Variants in WASHC2C observed in about 807,000 individuals in gnomAD.
WASHC2C encodes the protein Vaccinia Penetration Factor.
A neutral mutation model predicts 142.2 loss-of-function variants in WASHC2C; 73 were observed. The observed-to-expected ratio is 0.51, with a 90% CI of 0.43 to 0.62. The LOEUF is 0.62. Among genes scored for constraint, WASHC2C ranks in the 20% least tolerant of loss-of-function variants. The probability of loss-of-function intolerance (pLI) is 0.00; values close to 1 mark genes in which losing one functional copy is unlikely to be tolerated. For synonymous variants in WASHC2C, 337 were observed against 565.5 expected (o/e 0.60, Z 5.73); for missense variants, 969 against 1,531.7 (o/e 0.63, Z 6.13).
In WASHC2C at chr10:45,735,906, GATTT is replaced by G. The variant is rs1471235041; in HGVS notation, c.292-2069_292-2066del. ...CATAGAATCTGGGAATGACTATTAA[GATTT>G]ATTTATTCCCTCTCTAGGTAAAATC... On this transcript the variant is annotated intron_variant, in intron 3 of 30. Transcript: ENST00000623400. 2.6e-5 allele frequency among the ~76,000 whole-genome samples: 4 copies of G among 152,182 alleles called. No individual in the cohort carries two copies. The East Asian group carries it at 7.7e-4, about 29-fold the overall frequency.
intron 23 of WASHC2C, among the ~76,000 whole-genome samples, chr10:45,783,708 G>A (rs1455801536): frequency 2.6e-5 from 4 of 152,200 alleles, no homozygotes; most frequent in East Asian, 3.9e-4. Context: ...TAATCCACCC[G>A]CCTTGGCCTC....
intron 9 of WASHC2C, 148 bp downstream of exon 9, chr10:45,750,354 A>T: frequency 1.2e-6 from 1 of 852,498 alleles, no homozygotes; most frequent in Non-Finnish European, 1.8e-6. Context: ...AAGCATCTCA[A>T]ATTGCCTCAC....
Position 45,755,000 on chromosome 10 carries a change from G to A in WASHC2C, c.1305G>A (p.Gln435=). 4 of 1,612,000 alleles carry A rather than the reference G, an allele frequency of 2.5e-6. No individual in the cohort carries two copies. The highest frequency in any genetic ancestry group is 3.4e-6 in the Non-Finnish European group (4 of 1,179,866). Residue 435 remains glutamine (Q), a synonymous_variant, in exon 15 of 31, where the codon CAG becomes CAA. Transcript: ENST00000623400. ...PSLKEPQKPE[Q]PTPRKSPYGP... The stretch of plus-strand genomic sequence containing the variant: ...TGAAGGAGCCACAGAAGCCTGAGCA[G>A]CCCACTCCAAGGAAAAGCCCCTATG...
intron 3 of WASHC2C, among the ~76,000 whole-genome samples, chr10:45,734,438 C>CT (rs1228199989): frequency 6.6e-6 from 1 of 151,354 alleles, no homozygotes; most frequent in Non-Finnish European, 1.5e-5. Context: ...TTTAACCCAT[C>CT]TTTGAGACTT....
At chr10:45,753,788 C>G (rs563024041) in intron 13 of WASHC2C, among the ~76,000 whole-genome samples, 201 of 149,008 alleles carry the variant, frequency 1.3e-3, no homozygotes, top group African/African-American at 4.5e-3. Flanking sequence ...GCACCTGTCC[C>G]CTTGGTGCAG....
At chr10:45,780,717 C>T (rs1285674040) in intron 23 of WASHC2C, among the ~76,000 whole-genome samples, 3 of 149,486 alleles carry the variant, frequency 2.0e-5, no homozygotes, top group African/African-American at 4.9e-5. Flanking sequence ...TAGTAATGAA[C>T]ATTTACTAAC....
intron 3 of WASHC2C, among the ~76,000 whole-genome samples, chr10:45,735,189 C>CT (rs1393032978): frequency 1.3e-5 from 2 of 151,490 alleles, no homozygotes; most frequent in Non-Finnish European, 2.9e-5. Flanking sequence ...CAATCTTTGG[C>CT]TTTTTACTTT....
Position 45,754,946 on chromosome 10 carries a change from T to C in WASHC2C, c.1251T>C (p.Asp417=), listed in dbSNP as rs1200423003. The C allele has an allele frequency of 1.2e-6, 2 of 1,611,860 alleles. No homozygotes were observed. The highest frequency in any genetic ancestry group is 1.7e-6 in the Non-Finnish European group (2 of 1,179,858). Residue 417 remains aspartate, a synonymous_variant, in exon 15 of 31, where the codon GAT becomes GAC. Transcript: ENST00000623400. ...GAVSVFLGDT[D]VFGAASVPSL... is the part of the protein sequence containing the mutation. ...TCCCTTCACTCACAGGAGACACGGA[T>C]GTGTTTGGTGCTGCCTCCGTTCCAT...
intron 26 of WASHC2C, 146 bp downstream of exon 26, chr10:45,785,777 C>T: frequency 7.0e-7 from 1 of 1,423,744 alleles, no homozygotes; most frequent in Non-Finnish European, 9.7e-7. Context: ...CACTGCACTT[C>T]CCCCGAGTCA....
Position 45,784,275 on chromosome 10 carries a change from T to C in WASHC2C, c.2479-290T>C, listed in dbSNP as rs1230524121. On this transcript the variant is annotated intron_variant, in intron 23 of 30. Transcript: ENST00000623400. ...GTGTATATATATATATATATATATATATATATATATATATACACATATATA... is the reference window on the plus strand; with the variant it reads ...GTGTATATATATATATATATATATACATATATATATATATACACATATATA... Among the ~76,000 whole-genome samples, 198 of 7,352 alleles carry C rather than the reference T, an allele frequency of 0.027. 3 individuals carry two copies. In the South Asian group the frequency reaches 0.28, roughly 10 times the overall value. The allele number at this position is 7,352 out of a possible 152,430, so 4.8% of individuals were successfully genotyped here.
At chr10:45,752,772 T>A (rs1159140959) in intron 12 of WASHC2C, 66 bp downstream of exon 12, 23 of 1,088,806 alleles carry the variant, frequency 2.1e-5, no homozygotes, top group Non-Finnish European at 2.7e-6. Flanking sequence ...AGGGAAGATA[T>A]AGGCTTTGCT....
Position 45,790,552 on chromosome 10 carries a change from A to C in WASHC2C, c.3886+19A>C, listed in dbSNP as rs1163828420. Reference sequence around the variant, plus strand: ...GATATGGGTAAGTTTGGTTTTCTACATCTGACCTAGAGAATTCTTACCTTT... The same window carrying C: ...GATATGGGTAAGTTTGGTTTTCTACCTCTGACCTAGAGAATTCTTACCTTT... On this transcript the variant is annotated intron_variant, in intron 30 of 30. Transcript: ENST00000623400. 2.5e-6 allele frequency: 4 copies of C among 1,611,856 alleles called. No individual in the cohort carries two copies. In the African/African-American group the frequency reaches 5.3e-5, roughly 22 times the overall value.
intron 17 of WASHC2C, among the ~76,000 whole-genome samples, chr10:45,761,657 A>C (rs545468878): frequency 6.6e-6 from 1 of 152,308 alleles, no homozygotes; most frequent in East Asian, 1.9e-4. Flanking sequence ...TGTGAGGCTG[A>C]AGCTTGCCCT....
chr10:45,741,065 A>G (rs1165373279), intron 5 of WASHC2C, among the ~76,000 whole-genome samples: 6 of 151,240 alleles, frequency 4.0e-5, no homozygotes, highest in African/African-American at 1.5e-4. Flanking sequence ...CTCCTGCCCC[A>G]GCCTCCCGAG....
Position 45,773,302 on chromosome 10 carries a change from GA to G in WASHC2C, c.2087del (p.Asp696ValfsTer44), listed in dbSNP as rs782080903. ...GTCACTCCTCTTTGAAGACGATGTTGATAGCGGAGGCTCTCTGTTTGGCTCT... is the reference window on the plus strand; with the variant it reads ...GTCACTCCTCTTTGAAGACGATGTTGTAGCGGAGGCTCTCTGTTTGGCTCT... ...RVSLLFEDDVDSGGSLFGSPP... is the reference protein window; with the variant it reads ...RVSLLFEDDVXSGGSLFGSPP... On this transcript the variant is annotated frameshift_variant, in exon 21 of 31. Coordinates refer to ENST00000623400, the MANE Select transcript of WASHC2C (RefSeq NM_001330074.2). LOFTEE classifies it high-confidence loss of function. The G allele has an allele frequency of 9.8e-7, 1 of 1,016,238 alleles. No homozygotes were observed. The highest frequency in any genetic ancestry group is 1.5e-6 in the Non-Finnish European group (1 of 686,636). The allele number at this position is 1,016,238 out of a possible 1,614,324, so 63.0% of individuals were successfully genotyped here.
At chr10:45,754,052 C>T (rs1179478742) in intron 13 of WASHC2C, among the ~76,000 whole-genome samples, 2 of 151,702 alleles carry the variant, frequency 1.3e-5, no homozygotes, top group African/African-American at 4.9e-5. Context: ...TTGGTTTCCC[C>T]CTTTGCTCTT....
intron 18 of WASHC2C, among the ~76,000 whole-genome samples, chr10:45,764,994 G>C (rs2055617263): frequency 6.6e-6 from 1 of 152,264 alleles, no homozygotes; most frequent in East Asian, 1.9e-4. Context: ...TCCTAACTCA[G>C]ACTCAGGCCC....
At chr10:45,748,446 T>A (rs2053126719) in intron 8 of WASHC2C, among the ~76,000 whole-genome samples, 1 of 152,024 alleles carries the variant, frequency 6.6e-6, no homozygotes, top group African/African-American at 2.4e-5. Context: ...TGTGCCACCA[T>A]GCCCAGCTAG....
In WASHC2C at chr10:45,749,836, A is replaced by AAAAAAT. The variant is rs1227809519; in HGVS notation, c.733-259_733-258insAAAATA. ...GCAAGACTCCATCTCAAAAAAAAAA[A>AAAAAAT]ATATATATATATATATATATTTATA... On this transcript the variant is annotated intron_variant, in intron 8 of 30. Coordinates refer to ENST00000623400, the MANE Select transcript of WASHC2C (RefSeq NM_001330074.2). Among the ~76,000 whole-genome samples, 49 of 101,736 alleles carry AAAAAAT rather than the reference A, an allele frequency of 4.8e-4. 1 individual carries two copies. Among genetic ancestry groups the AAAAAAT allele is most frequent in the African/African-American group, 1.4e-3 (32 of 22,968 alleles). 66.7% of individuals were successfully genotyped at this position (101,736 alleles called of 152,430 possible). A position where few individuals can be genotyped will look rare whatever the true frequency, so the allele number is the denominator to read the frequency against.
Sources: allele counts gnomAD v4.1 joint callset (sites outside exome capture counted in the v4.1 genomes callset), GRCh38; gene constraint gnomAD v4.1.1; transcripts MANE v1.5; gene names NCBI Gene and HGNC (gene_info 2026-07-23, HGNC 2026-07-21).